JMJD6: variants seen among roughly 807,000 people sequenced by gnomAD.
The protein encoded by JMJD6 is bifunctional arginine demethylase and lysyl-hydroxylase JMJD6.
JMJD6 carries 17 observed loss-of-function variants against 45.8 expected under a neutral mutation model. That is an observed-to-expected ratio of 0.37 (90% CI 0.25 to 0.56). The LOEUF is 0.56. Among genes scored for constraint, JMJD6 ranks in the 20% least tolerant of loss-of-function variants. The pLI, the probability that JMJD6 is intolerant of heterozygous loss-of-function variation, is 0.79. For synonymous variants in JMJD6, 221 were observed against 196.3 expected (o/e 1.13, Z -1.05); for missense variants, 470 against 517.5 (o/e 0.91, Z 0.89).
chr17:76,725,368 G>GGCACT, intron 2 of JMJD6, 99 bp downstream of exon 2: 1 of 1,165,382 alleles, frequency 8.6e-7, no homozygotes, highest in East Asian at 2.6e-5. Context: ...ATCGCACCAC[G>GGCACT]GCACTGCAGC....
At chr17:76,713,750 C>G (rs1206022716), downstream of JMJD6, 1 of 152,200 alleles carries the variant, frequency 6.6e-6, no homozygotes, top group African/African-American at 2.4e-5. Context: ...GCATTTGCAC[C>G]AGCAACCTTC....
downstream of JMJD6, among the ~76,000 whole-genome samples, chr17:76,717,671 G>A (rs958632257): frequency 6.6e-6 from 1 of 151,816 alleles, no homozygotes; most frequent in Non-Finnish European, 1.5e-5. Context: ...AACACAGAGA[G>A]ACTTTGTCAC....
rs981583052 is a variant in JMJD6 at position 76,722,709 on chromosome 17, G to A, written c.806-776C>T. Reference sequence around the variant, plus strand: ...AAAATACAAAAAATTAGCTGGGTGTGGCGGCATGTGCCTGTATTCCCAGCT... The same window carrying A: ...AAAATACAAAAAATTAGCTGGGTGTAGCGGCATGTGCCTGTATTCCCAGCT... On this transcript the variant is annotated intron_variant, in intron 3 of 5. Transcript: ENST00000397625. 4.6e-5 allele frequency among the ~76,000 whole-genome samples: 7 copies of A among 151,856 alleles called. 1 individual carries two copies. Among genetic ancestry groups the A allele is most frequent in the African/African-American group, 1.7e-4 (7 of 41,358 alleles).
rs373501787 is a variant in JMJD6 at position 76,725,801 on chromosome 17, G to T, written c.184C>A (p.Arg62=). 3.2e-5 allele frequency: 52 copies of T among 1,613,260 alleles called. No individual in the cohort carries two copies. The East Asian group carries it at 4.5e-4, about 14-fold the overall frequency. Residue 62 remains arginine, a synonymous_variant, in exon 2 of 6, where the codon CGG becomes AGG. Transcript: ENST00000397625. Reference sequence around the variant, plus strand: ...ACGGGCTTGTAAGGTCTTTCATACCGCTCCACAAATTCTTCCACAGACAGC... The same window carrying T: ...ACGGGCTTGTAAGGTCTTTCATACCTCTCCACAAATTCTTCCACAGACAGC... ...LQLSVEEFVE[R]YERPYKPVVL...
chr17:76,716,747 G>A (rs1598372421), downstream of JMJD6: 1 of 1,613,852 alleles, frequency 6.2e-7, no homozygotes, highest in African/African-American at 1.3e-5. Context: ...ACAACTGCCT[G>A]TAATCAGCAC....
rs945386906 is a variant in JMJD6, at chr17:76,725,821, G to C, written c.164C>G (p.Ser55Cys). ...ATACCGCTCCACAAATTCTTCCACA[G>C]ACAGCTGTAAAGCATCTGCCCTTTC... Reference protein sequence around the residue: ...NVERADALQLSVEEFVERYER... With the variant: ...NVERADALQLCVEEFVERYER... The change falls in exon 2 of 6, where the codon TCT (serine) becomes TGT (cysteine). Residue 55 changes from serine (S) to cysteine (C), a missense_variant. Ser to Cys is a moderately radical substitution (Grantham distance 112, BLOSUM62 -1). This residue lies in a region of JMJD6 where 346 missense variants were observed against 339.5 expected (regional missense o/e 1.02). Coordinates refer to ENST00000397625, the MANE Select transcript of JMJD6 (RefSeq NM_015167.3). 3 of 1,612,700 alleles carry C rather than the reference G, an allele frequency of 1.9e-6. No individual in the cohort carries two copies. The highest frequency in any genetic ancestry group is 2.7e-5 in the African/African-American group (2 of 74,438).
In JMJD6 at chr17:76,718,487, G is replaced by T; in HGVS notation, c.*242C>A. On this transcript the variant is annotated 3_prime_UTR_variant, in exon 6 of 6. Coordinates refer to ENST00000397625, the MANE Select transcript of JMJD6 (RefSeq NM_015167.3). ...TTCAATTTTTATTAAATAATGTAAA[G>T]GATTTTCTTGGCACTATTCACATTC... 1 of 1,317,452 alleles carries T rather than the reference G, an allele frequency of 7.6e-7. No individual in the cohort carries two copies. The highest frequency in any genetic ancestry group is 2.3e-5 in the South Asian group (1 of 43,448). The allele number at this position is 1,317,452 out of a possible 1,614,324, so 81.6% of individuals were successfully genotyped here.
At chr17:76,725,402 G>A in intron 2 of JMJD6, 65 bp downstream of exon 2, 1 of 914,730 alleles carries the variant, frequency 1.1e-6, no homozygotes, top group Non-Finnish European at 1.5e-6. Flanking sequence ...GTGACGCTCT[G>A]TCTCAAAAAA....
downstream of JMJD6, chr17:76,716,518 A>G (rs904353180): frequency 3.2e-6 from 2 of 625,560 alleles, no homozygotes; most frequent in Non-Finnish European, 5.8e-6. Flanking sequence ...TATCCTTAGG[A>G]AGCAGTAAAA....
At chr17:76,725,892 A>AG in intron 1 of JMJD6, 37 bp from the exon 2 acceptor site, 1 of 1,545,114 alleles carries the variant, frequency 6.5e-7, no homozygotes, top group Non-Finnish European at 8.6e-7. Context: ...AGTTAAAAAA[A>AG]AAAAAAAAGT....
At chr17:76,721,308 G>A (rs765833112) in intron 4 of JMJD6, 4 of 451,796 alleles carry the variant, frequency 8.9e-6, no homozygotes, top group South Asian at 1.5e-5. Context: ...ACAGTGGCAC[G>A]GGGTGGCTGT....
In JMJD6 at chr17:76,725,826, C is replaced by G. The variant is rs1332959231; in HGVS notation, c.159G>C (p.Gln53His). Residue 53 changes from glutamine (Q) to histidine (H), a missense_variant, in exon 2 of 6, where the codon CAG (glutamine) becomes CAC (histidine). By Grantham distance (24) the Gln-to-His change is conservative. Around this residue, in one of 4 missense-constraint regions of JMJD6, gnomAD observed 346 missense variants for 339.5 expected, o/e 1.02. Transcript: ENST00000397625. Reference sequence around the variant, plus strand: ...GCTCCACAAATTCTTCCACAGACAGCTGTAAAGCATCTGCCCTTTCCACGT... The same window carrying G: ...GCTCCACAAATTCTTCCACAGACAGGTGTAAAGCATCTGCCCTTTCCACGT... ...ADNVERADAL[Q>H]LSVEEFVERY... The G allele has an allele frequency of 6.2e-7, 1 of 1,613,298 alleles. No individual in the cohort carries two copies. Among genetic ancestry groups the G allele is most frequent in the East Asian group, 2.2e-5 (1 of 44,850 alleles).
chr17:76,714,384 A>C (rs1245520398), downstream of JMJD6: 1 of 152,184 alleles, frequency 6.6e-6, no homozygotes, highest in African/African-American at 2.4e-5. Flanking sequence ...TATCTCCTTC[A>C]CTTTACTGTT....
At position 76,721,949 on chromosome 17, in the gene JMJD6, T is replaced by G; in HGVS notation, c.806-16A>C. On this transcript the variant is annotated splice_polypyrimidine_tract_variant and intron_variant, in intron 3 of 5. Coordinates refer to ENST00000397625, the MANE Select transcript of JMJD6 (RefSeq NM_015167.3). The stretch of plus-strand genomic sequence containing the variant: ...CACCAGCCTCCTGAAATCCAACAAA[T>G]AAACAGTTAAACAAGGTTTGATCCT... The G allele has an allele frequency of 6.2e-7, 1 of 1,613,560 alleles. No homozygotes were observed. The highest frequency in any genetic ancestry group is 8.5e-7 in the Non-Finnish European group (1 of 1,179,696).
downstream of JMJD6, chr17:76,716,839 G>T (rs565748611): frequency 1.1e-4 from 105 of 927,476 alleles, no homozygotes; most frequent in African/African-American, 1.6e-3. Flanking sequence ...TCATGGCAGG[G>T]CTTTCTCCAG....
Position 76,724,038 on chromosome 17 carries a change from G to C in JMJD6, c.539C>G (p.Pro180Arg), listed in dbSNP as rs567322355. ...PPYRWFVMGP[P>R]RSGTGIHIDP... Reference sequence around the variant, plus strand: ...GATGTGAATCCCAGTTCCGGAGCGTGGTGGCCCCATCACAAACCACCTACA... The same window carrying C: ...GATGTGAATCCCAGTTCCGGAGCGTCGTGGCCCCATCACAAACCACCTACA... Residue 180 changes from proline to arginine, a missense_variant, in exon 3 of 6, where the codon CCA becomes CGA. This residue lies in a region of JMJD6 where 346 missense variants were observed against 339.5 expected (regional missense o/e 1.02). Transcript: ENST00000397625. 1.9e-6 allele frequency: 3 copies of C among 1,614,028 alleles called. No individual in the cohort carries two copies. The Admixed American group carries it at 5.0e-5, about 27-fold the overall frequency.
chr17:76,721,870 C>T lies in JMJD6; in HGVS notation c.869G>A (p.Ser290Asn). Residue 290 changes from serine to asparagine, a missense_variant, in exon 4 of 6, where the codon AGC (serine) becomes AAC (asparagine). Around this residue, in one of 4 missense-constraint regions of JMJD6, gnomAD observed 58 missense variants for 103.9 expected, o/e 0.56. Transcript: ENST00000397625. ...CCATACCACAGGGAAGTTGGTGCTGCTGGCAAAATTTTGGGTGATGGCGAT... is the reference window on the plus strand; with the variant it reads ...CCATACCACAGGGAAGTTGGTGCTGTTGGCAAAATTTTGGGTGATGGCGAT... ...TTIAITQNFA[S>N]STNFPVVWHK... is the part of the protein sequence containing the mutation. The T allele has an allele frequency of 6.2e-7, 1 of 1,614,188 alleles. No homozygotes were observed. Among genetic ancestry groups the T allele is most frequent in the Non-Finnish European group, 8.5e-7 (1 of 1,180,036 alleles).
At chr17:76,721,438 A>G (rs1385668464) in intron 4 of JMJD6, 2 of 306,448 alleles carry the variant, frequency 6.5e-6, no homozygotes, top group Non-Finnish European at 1.3e-5. Flanking sequence ...AAATGGGAAT[A>G]ATGCTTCTAG....
chr17:76,718,397 G>C, downstream of JMJD6: 1 of 1,211,822 alleles, frequency 8.3e-7, no homozygotes. Flanking sequence ...CCACCATGAG[G>C]AGAAGAGCAA....
Sources: gnomAD v4.1 joint callset for allele counts (sites outside exome capture counted in the v4.1 genomes callset) on GRCh38, gnomAD v4.1.1 for gene constraint, gnomAD v4.1.1 regional missense constraint, MANE v1.5 for transcripts, NCBI Gene and HGNC (gene_info 2026-07-23, HGNC 2026-07-21) for gene names.